Variants in CEP83 observed in about 807,000 individuals in gnomAD.
CEP83 encodes centrosomal protein of 83 kDa.
A neutral mutation model predicts 101.9 loss-of-function variants in CEP83; 70 were observed. That is an observed-to-expected ratio of 0.69 (90% CI 0.57 to 0.84). CEP83 has a LOEUF of 0.84. Ranked by LOEUF, CEP83 falls within the 40% of genes least tolerant of loss-of-function variation. The pLI, the probability that CEP83 is intolerant of heterozygous loss-of-function variation, is 0.00. For synonymous variants in CEP83, 264 were observed against 267.9 expected, an observed-to-expected ratio of 0.99 and a Z score of 0.14; for missense variants, 715 against 787.2, an observed-to-expected ratio of 0.91 and a Z score of 1.10.
intron 6 of CEP83, among the ~76,000 whole-genome samples, chr12:94,380,121 AT>A (rs1344830222): frequency 1.3e-5 from 2 of 151,934 alleles, no homozygotes; most frequent in African/African-American, 4.8e-5. Flanking sequence ...AACTAAAGAA[AT>A]GCTCCAAAAC....
the CEP83 span, chr12:94,294,602 G>C: frequency 1.2e-5 from 9 of 726,440 alleles, no homozygotes; most frequent in East Asian, 2.5e-4. Context: ...ATTGCTTTTT[G>C]CCTCTCTCAG....
At chr12:94,285,546 C>T in the CEP83 span, among the ~76,000 whole-genome samples, 3 of 152,188 alleles carry the variant, frequency 2.0e-5, no homozygotes, top group Non-Finnish European at 2.9e-5. Flanking sequence ...TTGCCAAGAG[C>T]AGTCGTTCTT....
chr12:94,266,468 C>T, the CEP83 span, among the ~76,000 whole-genome samples: 4 of 152,240 alleles, frequency 2.6e-5, no homozygotes, highest in African/African-American at 9.6e-5. Context: ...GCCCAGAAAG[C>T]TCACTAAACA....
At chr12:94,279,466 T>C in the CEP83 span, 1 of 1,610,718 alleles carries the variant, frequency 6.2e-7, no homozygotes, top group South Asian at 1.1e-5. Context: ...GTTTGTACTC[T>C]TGCAGGCATT....
At position 94,378,948 on chromosome 12, in the gene CEP83, C is replaced by T. The variant is rs1482040800; in HGVS notation, c.644G>A (p.Arg215Gln). The change falls in exon 7 of 17, where the codon CGA (arginine) becomes CAA (glutamine). Residue 215 changes from arginine (R) to glutamine (Q), a missense_variant. Arg to Gln is a conservative substitution (Grantham distance 43). Transcript: ENST00000397809. The part of the protein sequence containing the change: ...KDSKRVEQLA[R>Q]EKVYLCQKLK... ...TTTTTGACACAAATAGACTTTTTCT[C>T]GAGCAAGTTGTTCCACTCGTTTGCT... is the stretch of plus-strand genomic sequence containing the variant. 4.3e-6 allele frequency: 7 copies of T among 1,614,050 alleles called. No homozygotes were observed. Among genetic ancestry groups the T allele is most frequent in the Admixed American group, 1.7e-5 (1 of 60,004 alleles).
At chr12:94,449,242 T>C (rs142686430) in intron 1 of CEP83, among the ~76,000 whole-genome samples, 3 of 152,226 alleles carry the variant, frequency 2.0e-5, no homozygotes, top group East Asian at 1.9e-4. Flanking sequence ...AAAATCTGAA[T>C]AGACCTATAA....
At chr12:94,357,753 A>G (rs2136885932) in intron 11 of CEP83, among the ~76,000 whole-genome samples, 1 of 152,340 alleles carries the variant, frequency 6.6e-6, no homozygotes, top group East Asian at 1.9e-4. Context: ...TAAGTTTAAA[A>G]GGTGTACAAA....
intron 7 of CEP83, among the ~76,000 whole-genome samples, chr12:94,377,321 T>G (rs1011296361): frequency 6.6e-6 from 1 of 152,180 alleles, no homozygotes; most frequent in Non-Finnish European, 1.5e-5. Context: ...CTGGGAACTG[T>G]GGCTCAGTGC....
At chr12:94,314,548 C>T (rs1036358016) in intron 14 of CEP83, among the ~76,000 whole-genome samples, 1 of 152,210 alleles carries the variant, frequency 6.6e-6, no homozygotes, top group African/African-American at 2.4e-5. Flanking sequence ...ATACTTCATT[C>T]ATTCCCACAT....
chr12:94,423,928 G>T, intron 2 of CEP83: 2 of 1,611,412 alleles, frequency 1.2e-6, no homozygotes, highest in Non-Finnish European at 1.7e-6. Context: ...TGCTGAGGCA[G>T]AGATGGCCCA....
At chr12:94,355,913 CT>C (rs1273091498) in intron 11 of CEP83, among the ~76,000 whole-genome samples, 1 of 152,194 alleles carries the variant, frequency 6.6e-6, no homozygotes, top group Non-Finnish European at 1.5e-5. Flanking sequence ...GACTGGTTTG[CT>C]GTTAATAAAT....
At chr12:94,267,330 G>T in the CEP83 span, among the ~76,000 whole-genome samples, 1 of 152,160 alleles carries the variant, frequency 6.6e-6, no homozygotes, top group Non-Finnish European at 1.5e-5. Flanking sequence ...ACATCTGAAC[G>T]TGTTTTCTCC....
At chr12:94,358,180 G>A (rs1281198930) in intron 11 of CEP83, among the ~76,000 whole-genome samples, 2 of 152,142 alleles carry the variant, frequency 1.3e-5, no homozygotes, top group Non-Finnish European at 2.9e-5. Flanking sequence ...GGGGCCCGAT[G>A]GACAACCTGG....
intron 2 of CEP83, among the ~76,000 whole-genome samples, chr12:94,414,059 G>A (rs2064100268): frequency 6.6e-6 from 1 of 152,090 alleles, no homozygotes; most frequent in African/African-American, 2.4e-5. Context: ...AACTATAATT[G>A]CAGTTGTTTT....
the CEP83 span, among the ~76,000 whole-genome samples, chr12:94,270,234 A>C: frequency 6.6e-6 from 1 of 152,246 alleles, no homozygotes; most frequent in Non-Finnish European, 1.5e-5. Context: ...CCAGCAAACA[A>C]CAGCCTGTGG....
At chr12:94,331,079 G>A (rs774321248) in intron 14 of CEP83, among the ~76,000 whole-genome samples, 1 of 151,870 alleles carries the variant, frequency 6.6e-6, no homozygotes, top group East Asian at 1.9e-4. Flanking sequence ...ATCACTTGAG[G>A]TCAGGAGTTT....
At chr12:94,398,698 A>G (rs749327952) in intron 6 of CEP83, among the ~76,000 whole-genome samples, 18 of 152,330 alleles carry the variant, frequency 1.2e-4, no homozygotes, top group Non-Finnish European at 1.9e-4. Flanking sequence ...GGTCAGACAA[A>G]ATAGAGCCAT....
At chr12:94,267,178 G>T in the CEP83 span, among the ~76,000 whole-genome samples, 1 of 152,174 alleles carries the variant, frequency 6.6e-6, no homozygotes, top group Non-Finnish European at 1.5e-5. Context: ...AATGATTATA[G>T]TCGGGAATCC....
At chr12:94,338,136 A>C (rs930374368) in intron 11 of CEP83, among the ~76,000 whole-genome samples, 2 of 152,230 alleles carry the variant, frequency 1.3e-5, no homozygotes, top group Non-Finnish European at 2.9e-5. Context: ...AGAAGCGTCT[A>C]GGTGTACAAG....
Sources: gnomAD v4.1 joint callset for allele counts (sites outside exome capture counted in the v4.1 genomes callset) on GRCh38, gnomAD v4.1.1 for gene constraint, MANE v1.5 for transcripts, NCBI Gene and HGNC (gene_info 2026-07-23, HGNC 2026-07-21) for gene names.